The following SPAG1 variants were observed in gnomAD, a reference collection of about 807,000 sequenced individuals.
SPAG1 encodes the protein sperm associated antigen 1, also known as sperm-associated antigen 1.
Under a neutral mutation model 100.5 loss-of-function variants are expected in SPAG1, and 69 were observed. That is an observed-to-expected ratio of 0.69 (90% CI 0.57 to 0.84). The LOEUF (loss-of-function observed/expected upper bound fraction) is 0.84. Ranked by LOEUF, SPAG1 falls within the 40% of genes least tolerant of loss-of-function variation. The probability of loss-of-function intolerance (pLI) is 0.00; values close to 1 mark genes in which losing one functional copy is unlikely to be tolerated. For synonymous variants in SPAG1, 336 were observed against 411.6 expected, an observed-to-expected ratio of 0.82 and a Z score of 2.22; for missense variants, 955 against 1,133.1, an observed-to-expected ratio of 0.84 and a Z score of 2.26.
At chr8:100,201,504 T>C (rs1282795625) in intron 10 of SPAG1, among the ~76,000 whole-genome samples, 2 of 152,204 alleles carry the variant, frequency 1.3e-5, no homozygotes, top group Non-Finnish European at 2.9e-5. Flanking sequence ...TTTTAATTCT[T>C]ATATACAGTG....
chr8:100,167,725 A>G (rs765376747), intron 3 of SPAG1, among the ~76,000 whole-genome samples: 28 of 152,220 alleles, frequency 1.8e-4, no homozygotes, highest in Non-Finnish European at 3.4e-4. Context: ...TAAATTACCA[A>G]CTTTATAGTG....
chr8:100,191,789 A>C (rs765608634), intron 9 of SPAG1, among the ~76,000 whole-genome samples: 6 of 152,174 alleles, frequency 3.9e-5, no homozygotes, highest in Non-Finnish European at 8.8e-5. Context: ...GGAGTGGTAT[A>C]GAAGGTACCT....
intron 16 of SPAG1, among the ~76,000 whole-genome samples, chr8:100,237,137 G>A (rs968827035): frequency 6.6e-6 from 1 of 152,192 alleles, no homozygotes; most frequent in Non-Finnish European, 1.5e-5. Flanking sequence ...CTGGGGTGCA[G>A]TGGCGTGATC....
chr8:100,206,017 CAAAAAAAAAAAAAAA>C (rs574907013), intron 10 of SPAG1, among the ~76,000 whole-genome samples: 85 of 77,330 alleles, frequency 1.1e-3, no homozygotes, highest in African/African-American at 3.5e-3. Context: ...GACTCTGTCT[CAAAAAAAAAAAAAAA>C]AAAAAAAAAA....
At chr8:100,165,535 C>T in intron 2 of SPAG1, 1 of 372,982 alleles carries the variant, frequency 2.7e-6, no homozygotes, top group Non-Finnish European at 5.0e-6. Flanking sequence ...CCCACTTCCT[C>T]CACGGTGCCG....
Position 100,240,409 on chromosome 8 carries a change from GAAGGC to G in SPAG1, c.2292_2296del (p.Lys765GlyfsTer17), listed in dbSNP as rs751678252. 2 of 1,588,496 alleles carry G rather than the reference GAAGGC, an allele frequency of 1.3e-6. No homozygotes were observed. On this transcript the variant is annotated frameshift_variant, in exon 18 of 19. Transcript: ENST00000388798. LOFTEE classifies it high-confidence loss of function. Reference sequence around the variant, plus strand: ...TTTTCTTTTCTTCATGAAGGTGAATGAAGGCAAGGAGGAGCCTGGAAGACCTGCAG... The same window carrying G: ...TTTTCTTTTCTTCATGAAGGTGAATGAAGGAGGAGCCTGGAAGACCTGCAG...
rs184574436 is a variant in SPAG1 at position 100,187,566 on chromosome 8, C to T, written c.832+316C>T. On this transcript the variant is annotated intron_variant, in intron 8 of 18. Transcript: ENST00000388798. ...AGTATCTTGGCCAGGCACAGTGGCT[C>T]ACACCTATAATCCCAAAATTTTGGG... 9.7e-4 allele frequency among the ~76,000 whole-genome samples: 147 copies of T among 152,078 alleles called. 2 individuals carry two copies. In the East Asian group the frequency reaches 0.019, roughly 19 times the overall value.
At chr8:100,185,046 A>T (rs763374180) in intron 7 of SPAG1, 4 of 247,226 alleles carry the variant, frequency 1.6e-5, no homozygotes, top group Non-Finnish European at 3.1e-5. Context: ...TCCATTGTAG[A>T]CTGCCTGGAT....
chr8:100,202,697 G>T, intron 10 of SPAG1, among the ~76,000 whole-genome samples: 1 of 109,918 alleles, frequency 9.1e-6, no homozygotes. Context: ...GCGACAGAGC[G>T]AGACTCCGTC....
chr8:100,239,355 C>T lies in SPAG1; in HGVS notation c.2231C>T (p.Thr744Ile), dbSNP rs1445984971. The T allele has an allele frequency of 4.4e-6, 7 of 1,603,612 alleles. No homozygotes were observed. The South Asian group carries it at 7.7e-5, about 18-fold the overall frequency. The change falls in exon 17 of 19, where the codon ACA (threonine) becomes ATA (isoleucine). Residue 744 changes from threonine to isoleucine, a missense_variant. Coordinates refer to ENST00000388798, the MANE Select transcript of SPAG1 (RefSeq NM_003114.5). This position sits in a 1 kb window ranked among gnomAD's most constrained non-coding sequence, Gnocchi z 5.0. ...AGACTCCTTAATCTTAAGGATAAGA[C>T]AGCACCATTCAACAAAGAAAAGGAG... is the stretch of plus-strand genomic sequence containing the variant. ...VTRLLNLKDK[T>I]APFNKEKERR...
At chr8:100,199,757 T>C (rs1817188516) in intron 10 of SPAG1, among the ~76,000 whole-genome samples, 1 of 152,156 alleles carries the variant, frequency 6.6e-6, no homozygotes, top group Admixed American at 6.5e-5. Context: ...TCTTTGCCCA[T>C]TTTTAATTGG....
At chr8:100,217,617 C>T (rs1818063618) in intron 12 of SPAG1, among the ~76,000 whole-genome samples, 1 of 152,108 alleles carries the variant, frequency 6.6e-6, no homozygotes, top group South Asian at 2.1e-4. Flanking sequence ...TTAAAATACT[C>T]ATAATTGTTT....
intron 11 of SPAG1, among the ~76,000 whole-genome samples, 166 bp from the exon 12 acceptor site, chr8:100,213,653 G>A (rs1186211947): frequency 6.6e-6 from 1 of 152,246 alleles, no homozygotes; most frequent in Non-Finnish European, 1.5e-5. Flanking sequence ...TCCCCGCCGG[G>A]TTTTCCCTTG....
rs1164998569 is a variant in SPAG1, at chr8:100,230,639, T to C, written c.1856-517T>C. Among the ~76,000 whole-genome samples, 5 of 152,220 alleles carry C rather than the reference T, an allele frequency of 3.3e-5. No individual in the cohort carries two copies. In the East Asian group the frequency reaches 9.6e-4, roughly 29 times the overall value. Reference sequence around the variant, plus strand: ...ATTACTTGTATCTTATTTTATTTTTTTGAGATGGGGTTTCGCTCTTGTTGC... The same window carrying C: ...ATTACTTGTATCTTATTTTATTTTTCTGAGATGGGGTTTCGCTCTTGTTGC... On this transcript the variant is annotated intron_variant, in intron 14 of 18. Transcript: ENST00000388798.
chr8:100,182,793 C>T (rs1349417593), intron 4 of SPAG1, among the ~76,000 whole-genome samples: 3 of 152,056 alleles, frequency 2.0e-5, no homozygotes, highest in Admixed American at 1.3e-4. Context: ...CATATTCACA[C>T]ATAAGTTTTA....
rs772469498 is a variant in SPAG1, at chr8:100,225,224, G to T, written c.1740G>T (p.Leu580=). 1 of 1,613,970 alleles carries T rather than the reference G, an allele frequency of 6.2e-7. No homozygotes were observed. Residue 580 remains leucine, a synonymous_variant, in exon 14 of 19, where the codon CTG becomes CTT. Transcript: ENST00000388798. The part of the protein sequence containing the change: ...ELDGPNWREK[L]SPIPAVPASV... ...ATGGACCAAATTGGCGGGAGAAGCT[G>T]TCACCTATTCCTGCTGTGCCTGCTT...
rs79183004 is a variant in SPAG1 at position 100,222,261 on chromosome 8, C to G, written c.1688+1830C>G. ...GCACCTTAGGTTCCCTTTCTCAGTG[C>G]CCCCATAACACTGGGCCCTCTTTTA... On this transcript the variant is annotated intron_variant, in intron 13 of 18. Coordinates refer to ENST00000388798, the MANE Select transcript of SPAG1 (RefSeq NM_003114.5). 8.8e-3 allele frequency among the ~76,000 whole-genome samples: 1,342 copies of G among 152,304 alleles called. 19 individuals are homozygous for G. Among genetic ancestry groups the G allele is most frequent in the African/African-American group, 0.031 (1,272 of 41,550 alleles).
rs958687229 is a variant in SPAG1 at position 100,241,284 on chromosome 8, T to C, written c.*262T>C. On this transcript the variant is annotated 3_prime_UTR_variant, in exon 19 of 19. Transcript: ENST00000388798. This position sits in a 1 kb window ranked among gnomAD's most constrained non-coding sequence, Gnocchi z 5.1. ...AATACATTTTAATTTATGATATACATATTATTTTAATTACTTGTTAAAATT... is the reference window on the plus strand; with the variant it reads ...AATACATTTTAATTTATGATATACACATTATTTTAATTACTTGTTAAAATT... 2 of 228,272 alleles carry C rather than the reference T, an allele frequency of 8.8e-6. No homozygotes were observed. The highest frequency in any genetic ancestry group is 4.5e-5 in the African/African-American group (2 of 44,380). The allele number at this position is 228,272 out of a possible 1,614,324, so 14.1% of individuals were successfully genotyped here.
chr8:100,214,159 A>T (rs1268762957), intron 12 of SPAG1, among the ~76,000 whole-genome samples: 2 of 152,150 alleles, frequency 1.3e-5, no homozygotes, highest in African/African-American at 2.4e-5. Context: ...TTTTCATATC[A>T]CTCCTAGACT....
Sources: gnomAD v4.1 joint callset for allele counts (sites outside exome capture counted in the v4.1 genomes callset) on GRCh38, gnomAD v4.1.1 for gene constraint, Gnocchi (gnomAD v3.1) non-coding constraint, MANE v1.5 for transcripts, NCBI Gene and HGNC (gene_info 2026-07-23, HGNC 2026-07-21) for gene names.